DUOX2: variants seen among roughly 807,000 people sequenced by gnomAD.
The protein encoded by DUOX2 is NADH/NADPH thyroid oxidase p138-tox.
DUOX2 carries 185 observed loss-of-function variants against 183.3 expected under a neutral mutation model. That is an observed-to-expected ratio of 1.01 (90% CI 0.90 to 1.14). DUOX2 has a LOEUF of 1.14. DUOX2 is among the 50% of genes most tolerant of loss of function. The probability of loss-of-function intolerance (pLI) is 0.00; values close to 1 mark genes in which losing one functional copy is unlikely to be tolerated. For missense variants in DUOX2, 1,999 were observed against 2,022.9 expected, an observed-to-expected ratio of 0.99 and a Z score of 0.23; for synonymous variants, 788 against 812.4, an observed-to-expected ratio of 0.97 and a Z score of 0.51.
At chr15:45,100,995 G>C in intron 22 of DUOX2, 157 bp from the exon 23 acceptor site, 1 of 689,726 alleles carries the variant, frequency 1.4e-6, no homozygotes. Context: ...TTGTTTTGTA[G>C]AATGATTCTG....
In DUOX2 at chr15:45,113,029, C is replaced by T. The variant is rs944868080; in HGVS notation, c.118G>A (p.Gly40Ser). Residue 40 changes from glycine (G) to serine (S), a missense_variant, in exon 3 of 34, where the codon GGC (glycine) becomes AGC (serine). Physicochemically the swap from Gly to Ser is moderately conservative, Grantham distance 56. This residue lies in a region of DUOX2 where 356 missense variants were observed against 356.4 expected (regional missense o/e 1.00). Transcript: ENST00000389039. Reference protein sequence around the residue: ...SLPWEVQRYDGWFNNLRHHER... With the variant: ...SLPWEVQRYDSWFNNLRHHER... ...TGGTGCCTCAGGTTGTTAAACCAGC[C>T]GTCATAGCGCTGCACTTCCCAGGGC... 1 of 1,614,016 alleles carries T rather than the reference C, an allele frequency of 6.2e-7. No homozygotes were observed. Among genetic ancestry groups the T allele is most frequent in the African/African-American group, 1.3e-5 (1 of 75,046 alleles).
At position 45,097,349 on chromosome 15, in the gene DUOX2, A is replaced by G; in HGVS notation, c.3736T>C (p.Phe1246Leu). 6.2e-7 allele frequency: 1 copy of G among 1,614,268 alleles called. No individual in the cohort carries two copies. The highest frequency in any genetic ancestry group is 1.1e-5 in the South Asian group (1 of 91,082). The change falls in exon 29 of 34, where the codon TTC becomes CTC. Residue 1246 changes from phenylalanine (F) to leucine (L), a missense_variant. Transcript: ENST00000389039. The stretch of plus-strand genomic sequence containing the variant: ...GCCGGGACCAGGAAGTAGATGTGGA[A>G]AGTGGGCAGCTGGATCAGAGCATAG... Reference protein sequence around the residue: ...GSYALIQLPTFHIYFLVPAII... With the variant: ...GSYALIQLPTLHIYFLVPAII...
chr15:45,109,858 C>G, intron 10 of DUOX2, 32 bp downstream of exon 10: 2 of 1,599,952 alleles, frequency 1.3e-6, no homozygotes, highest in Non-Finnish European at 1.7e-6. Context: ...TGACCTTGAC[C>G]CATCTTCCCC....
At chr15:45,113,465 G>A (rs765486257) in intron 1 of DUOX2, 40 bp from the exon 2 acceptor site, 9 of 1,514,416 alleles carry the variant, frequency 5.9e-6, no homozygotes, top group Non-Finnish European at 8.1e-6. Flanking sequence ...GTATGCGAAA[G>A]CCACTGTTAG....
At chr15:45,112,863 A>T in intron 3 of DUOX2, 124 bp downstream of exon 3, 10 of 1,534,134 alleles carry the variant, frequency 6.5e-6, no homozygotes, top group Non-Finnish European at 8.1e-6. Context: ...AGCGCATAAG[A>T]TTGCGCTGTG....
Position 45,111,830 on chromosome 15 carries a change from G to T in DUOX2, c.451C>A (p.Pro151Thr), listed in dbSNP as rs1894427089. 1 of 1,613,080 alleles carries T rather than the reference G, an allele frequency of 6.2e-7. No homozygotes were observed. Among genetic ancestry groups the T allele is most frequent in the African/African-American group, 1.3e-5 (1 of 74,942 alleles). Residue 151 changes from proline (P) to threonine (T), a missense_variant, in exon 5 of 34, where the codon CCC becomes ACC. Pro to Thr is a conservative substitution (Grantham distance 38). Transcript: ENST00000389039. ...GGGTCCCAGCGGCTCCTCTGGAAGG[G>T]CAGCACCACGTCCCCGCGCTGGTCG... Reference protein sequence around the residue: ...DPDQRGDVVLPFQRSRWDPET... With the variant: ...DPDQRGDVVLTFQRSRWDPET...
At chr15:45,100,994 A>G (rs1458431664) in intron 22 of DUOX2, 156 bp from the exon 23 acceptor site, 3 of 690,198 alleles carry the variant, frequency 4.3e-6, no homozygotes, top group Non-Finnish European at 7.7e-6. Context: ...TTTGTTTTGT[A>G]GAATGATTCT....
Position 45,113,366 on chromosome 15 carries a change from G to C in DUOX2, c.46C>G (p.Leu16Val). The C allele has an allele frequency of 6.4e-7, 1 of 1,566,668 alleles. No homozygotes were observed. Among genetic ancestry groups the C allele is most frequent in the Non-Finnish European group, 8.7e-7 (1 of 1,154,280 alleles). ...CCCGATGGACCCAGGGATCCAGTCA[G>C]AAGAGCTCCCAGGAGCATCAGTGCC... ...PEALMLLGAL[L>V]TGSLGPSGSQ... The change falls in exon 2 of 34, where the codon CTG (leucine) becomes GTG (valine). Residue 16 changes from leucine to valine, a missense_variant. By Grantham distance (32) the Leu-to-Val change is conservative. Coordinates refer to ENST00000389039, the MANE Select transcript of DUOX2 (RefSeq NM_001363711.2).
At chr15:45,109,443 T>A (rs1390697180) in intron 11 of DUOX2, 81 bp downstream of exon 11, 1 of 1,213,484 alleles carries the variant, frequency 8.2e-7, no homozygotes, top group African/African-American at 1.5e-5. Context: ...GTGAGCGCCC[T>A]AGGTCTGCTA....
intron 23 of DUOX2, 121 bp from the exon 24 acceptor site, chr15:45,100,349 TG>T: frequency 1.1e-6 from 1 of 938,376 alleles, no homozygotes; most frequent in Non-Finnish European, 1.6e-6. Flanking sequence ...AACAGATGAA[TG>T]GAAAAAAGCA....
At chr15:45,103,242 G>A (rs1159536234) in intron 20 of DUOX2, among the ~76,000 whole-genome samples, 10 of 152,186 alleles carry the variant, frequency 6.6e-5, no homozygotes, top group Admixed American at 5.2e-4. Context: ...AAATAATGTG[G>A]GCTGTTACAT....
chr15:45,101,342 G>A (rs1267817102), intron 21 of DUOX2, 68 bp from the exon 22 acceptor site: 1 of 1,353,442 alleles, frequency 7.4e-7, no homozygotes, highest in Non-Finnish European at 1.0e-6. Flanking sequence ...GGGAGACTGT[G>A]CCCTCCTCCC....
intron 4 of DUOX2, 84 bp downstream of exon 4, chr15:45,112,470 T>C: frequency 6.4e-7 from 1 of 1,556,012 alleles, no homozygotes. Context: ...GGGTCTCCTG[T>C]GGACTCGCAG....
chr15:45,113,273 C>T, intron 2 of DUOX2, 69 bp downstream of exon 2: 1 of 1,528,846 alleles, frequency 6.5e-7, no homozygotes, highest in South Asian at 1.2e-5. Context: ...CCGCTTGCCG[C>T]ACCTCTCCCC....
chr15:45,099,223 G>A (rs1448079523), intron 26 of DUOX2, 160 bp downstream of exon 26: 1 of 600,472 alleles, frequency 1.7e-6, no homozygotes, highest in Non-Finnish European at 3.1e-6. Flanking sequence ...TGTTAGCCAG[G>A]ATGGTCTCGA....
chr15:45,106,501 T>G, intron 16 of DUOX2, 27 bp downstream of exon 16: 3 of 1,610,690 alleles, frequency 1.9e-6, no homozygotes, highest in African/African-American at 2.7e-5. Context: ...CCGTCCCTCC[T>G]CCCTCCTCTG....
chr15:45,094,401 A>T (rs1267640371), intron 33 of DUOX2, 129 bp from the exon 34 acceptor site: 19 of 1,544,202 alleles, frequency 1.2e-5, no homozygotes, highest in Non-Finnish European at 1.7e-5. Context: ...AGGAGGCTTA[A>T]CGTGGAGGGG....
intron 14 of DUOX2, 106 bp from the exon 15 acceptor site, chr15:45,107,075 C>T (rs1025513222): frequency 3.4e-6 from 5 of 1,487,170 alleles, no homozygotes; most frequent in African/African-American, 2.8e-5. Context: ...CTGTCTTCCC[C>T]AGGCCCACCT....
At chr15:45,112,892 G>A in intron 3 of DUOX2, 95 bp downstream of exon 3, 1 of 1,552,692 alleles carries the variant, frequency 6.4e-7, no homozygotes, top group East Asian at 2.3e-5. Context: ...GGAGCTGCTG[G>A]GCGCGTGTTC....
Sources: gnomAD v4.1 joint callset for allele counts (sites outside exome capture counted in the v4.1 genomes callset) on GRCh38, gnomAD v4.1.1 for gene constraint, gnomAD v4.1.1 regional missense constraint, MANE v1.5 for transcripts, NCBI Gene and HGNC (gene_info 2026-07-23, HGNC 2026-07-21) for gene names.